The following ROBO2 variants were observed in gnomAD, a reference collection of about 807,000 sequenced individuals.
ROBO2 encodes roundabout homolog 2.
Under a neutral mutation model 160.8 loss-of-function variants are expected in ROBO2, and 53 were observed. That is an observed-to-expected ratio of 0.33 (90% confidence interval 0.26 to 0.41). The LOEUF (loss-of-function observed/expected upper bound fraction) is 0.41. Among genes scored for constraint, ROBO2 ranks in the 10% least tolerant of loss-of-function variants. The pLI, the probability that ROBO2 is intolerant of heterozygous loss-of-function variation, is 1.00. For synonymous variants in ROBO2, 664 were observed against 611.7 expected, an observed-to-expected ratio of 1.09 and a Z score of -1.26; for missense variants, 1,577 against 1,722.4, an observed-to-expected ratio of 0.92 and a Z score of 1.49.
At chr3:76,342,797 A>G (rs1429266781) in intron 2 of ROBO2, among the ~76,000 whole-genome samples, 3 of 152,212 alleles carry the variant, frequency 2.0e-5, no homozygotes, top group Middle Eastern at 3.4e-3. Context: ...AGGCCCACTT[A>G]ATAGTAGGTA....
At chr3:76,624,405 C>T (rs1287520709) in intron 2 of ROBO2, among the ~76,000 whole-genome samples, 1 of 152,036 alleles carries the variant, frequency 6.6e-6, no homozygotes, top group Non-Finnish European at 1.5e-5. Context: ...GCTTATAGAG[C>T]CAGGCTTTCT....
chr3:77,258,485 T>C (rs1309176242), intron 2 of ROBO2, among the ~76,000 whole-genome samples: 1 of 152,110 alleles, frequency 6.6e-6, no homozygotes, highest in Admixed American at 6.6e-5. Context: ...TAGCTGGCCA[T>C]GGTGGTACAC....
At chr3:77,133,812 A>G (rs906408199) in intron 2 of ROBO2, among the ~76,000 whole-genome samples, 5 of 152,334 alleles carry the variant, frequency 3.3e-5, no homozygotes, top group African/African-American at 9.6e-5. Flanking sequence ...TTTGTTATAT[A>G]TGTTGGGAGA....
At chr3:77,216,610 T>C (rs1283860634) in intron 2 of ROBO2, among the ~76,000 whole-genome samples, 1 of 152,164 alleles carries the variant, frequency 6.6e-6, no homozygotes, top group Non-Finnish European at 1.5e-5. Context: ...CATTCCCCAG[T>C]GAGATGAACC....
chr3:77,066,929 T>A (rs1444899719), intron 1 of ROBO2, among the ~76,000 whole-genome samples: 1 of 151,828 alleles, frequency 6.6e-6, no homozygotes, highest in Admixed American at 6.6e-5. Flanking sequence ...GACTCTTCAT[T>A]TGCTTTTAGT....
chr3:77,635,649 T>A (rs1255589554), intron 24 of ROBO2, among the ~76,000 whole-genome samples: 1 of 152,192 alleles, frequency 6.6e-6, no homozygotes, highest in Non-Finnish European at 1.5e-5. Context: ...TGTTTAAATA[T>A]GCAAATATTT....
intron 2 of ROBO2, among the ~76,000 whole-genome samples, chr3:76,279,164 CGA>C (rs1257518493): frequency 6.7e-6 from 1 of 150,266 alleles, no homozygotes; most frequent in Admixed American, 6.7e-5. Context: ...GGTGTGTGTA[CGA>C]GAGAGAGAGA....
intron 2 of ROBO2, among the ~76,000 whole-genome samples, chr3:76,331,028 G>C (rs2073444591): frequency 6.6e-6 from 1 of 152,092 alleles, no homozygotes; most frequent in Admixed American, 6.5e-5. Context: ...GTTGTTTATA[G>C]TTGCCTTCAA....
At chr3:76,813,183 A>T (rs2065353473) in intron 2 of ROBO2, among the ~76,000 whole-genome samples, 1 of 152,050 alleles carries the variant, frequency 6.6e-6, no homozygotes. Context: ...GTGTATTTAC[A>T]TATGCAAGAC....
intron 2 of ROBO2, among the ~76,000 whole-genome samples, chr3:76,215,589 G>A (rs1703461524): frequency 6.6e-6 from 1 of 152,134 alleles, no homozygotes; most frequent in Middle Eastern, 3.2e-3. Flanking sequence ...ATGAAATGAA[G>A]CGTGAAGAGA....
At chr3:76,887,193 C>CCTTTTTTTTTTTTTTTTTTTTT (rs1178064382) in intron 2 of ROBO2, among the ~76,000 whole-genome samples, 5 of 120,450 alleles carry the variant, frequency 4.2e-5, no homozygotes, top group Admixed American at 9.8e-5. Flanking sequence ...CTTCAGGAAG[C>CCTTTTTTTTTTTTTTTTTTTTT]ATTTTTTTTT....
At chr3:76,061,409 T>A (rs1398010549) in intron 2 of ROBO2, among the ~76,000 whole-genome samples, 1 of 152,208 alleles carries the variant, frequency 6.6e-6, no homozygotes, top group Non-Finnish European at 1.5e-5. Flanking sequence ...TGGTAAGATG[T>A]ATTTTTTACT....
At chr3:76,024,556 T>G (rs1353161665) in intron 2 of ROBO2, among the ~76,000 whole-genome samples, 1 of 151,580 alleles carries the variant, frequency 6.6e-6, no homozygotes, top group African/African-American at 2.4e-5. Context: ...AAATTAAGAT[T>G]ATAACCACGC....
intron 2 of ROBO2, among the ~76,000 whole-genome samples, chr3:75,986,506 T>A (rs192550625): frequency 2.6e-4 from 40 of 151,820 alleles, no homozygotes; most frequent in African/African-American, 8.9e-4. Context: ...GCCGTTTTAT[T>A]CTGATGATAG....
At chr3:77,016,003 G>T (rs1453123883) in intron 2 of ROBO2, among the ~76,000 whole-genome samples, 1 of 151,408 alleles carries the variant, frequency 6.6e-6, no homozygotes, top group Admixed American at 6.6e-5. Flanking sequence ...TTGAGACAGA[G>T]CCTTGCTCTG....
chr3:76,639,096 T>A (rs1461353344), intron 2 of ROBO2, among the ~76,000 whole-genome samples: 1 of 152,088 alleles, frequency 6.6e-6, no homozygotes, highest in East Asian at 1.9e-4. Flanking sequence ...CACACTGGAT[T>A]TGTCAAACAA....
intron 2 of ROBO2, among the ~76,000 whole-genome samples, chr3:76,807,972 G>T (rs561482799): frequency 6.6e-6 from 1 of 151,758 alleles, no homozygotes; most frequent in Non-Finnish European, 1.5e-5. Flanking sequence ...AAATATGTAG[G>T]CAGTTAAGCT....
At chr3:77,061,218 T>A (rs2066268743) in intron 1 of ROBO2, among the ~76,000 whole-genome samples, 2 of 152,192 alleles carry the variant, frequency 1.3e-5, no homozygotes, top group African/African-American at 4.8e-5. Context: ...AGATAAGTTG[T>A]TGATTTAAAA....
intron 2 of ROBO2, among the ~76,000 whole-genome samples, chr3:76,322,396 G>T (rs2072638495): frequency 6.6e-6 from 1 of 151,592 alleles, no homozygotes; most frequent in East Asian, 1.9e-4. Context: ...ATTTCATAGA[G>T]ATATAAATGT....
Sources: gnomAD v4.1 joint callset for allele counts (sites outside exome capture counted in the v4.1 genomes callset) on GRCh38, gnomAD v4.1.1 for gene constraint, MANE v1.5 for transcripts, NCBI Gene and HGNC (gene_info 2026-07-23, HGNC 2026-07-21) for gene names.